Variants in CDYL2 observed in about 807,000 individuals in gnomAD.
CDYL2 encodes the protein chromodomain Y like 2, also known as chromodomain Y-like protein 2.
CDYL2 carries 23 observed loss-of-function variants against 49.4 expected under a neutral mutation model. That is an observed-to-expected ratio of 0.47 (90% CI 0.34 to 0.66). The LOEUF (loss-of-function observed/expected upper bound fraction) is 0.66, where lower values mean the gene tolerates loss of function less well. Among genes scored for constraint, CDYL2 ranks in the 30% least tolerant of loss-of-function variants. The pLI is 0.01. For synonymous variants in CDYL2, 360 were observed against 268.8 expected, an observed-to-expected ratio of 1.34 and a Z score of -3.32; for missense variants, 678 against 656.4, an observed-to-expected ratio of 1.03 and a Z score of -0.36.
intron 2 of CDYL2, among the ~76,000 whole-genome samples, chr16:80,665,043 G>C (rs1012520769): frequency 1.3e-5 from 2 of 152,132 alleles, no homozygotes; most frequent in African/African-American, 4.8e-5. Flanking sequence ...GGCATGCTGA[G>C]ACCTGCTTCT....
intron 1 of CDYL2, among the ~76,000 whole-genome samples, chr16:80,758,630 C>A (rs71400113): frequency 6.7e-6 from 1 of 149,486 alleles, no homozygotes; most frequent in African/African-American, 2.5e-5. Flanking sequence ...GCAAGCTCTG[C>A]CTCCCTGGTT....
rs548075989 is a variant in CDYL2 at position 80,708,242 on chromosome 16, C to A, written c.25-23113G>T. 1.1e-3 allele frequency among the ~76,000 whole-genome samples: 164 copies of A among 152,294 alleles called. 1 individual carries two copies. Among genetic ancestry groups the A allele is most frequent in the Middle Eastern group, 3.4e-3 (1 of 294 alleles). On this transcript the variant is annotated intron_variant, in intron 1 of 6. Coordinates refer to ENST00000570137, the MANE Select transcript of CDYL2 (RefSeq NM_152342.4). ...TCACCTTGAATTGTAATAATCCCCA[C>A]GTGTCAAGGTCAGGGCCAGGTGGAG...
At chr16:80,678,460 C>A (rs1450327646) in intron 2 of CDYL2, among the ~76,000 whole-genome samples, 1 of 152,102 alleles carries the variant, frequency 6.6e-6, no homozygotes, top group African/African-American at 2.4e-5. Context: ...AGGACATGAA[C>A]AGACACTTCT....
At chr16:80,786,025 G>A (rs1205015733) in intron 1 of CDYL2, among the ~76,000 whole-genome samples, 1 of 152,068 alleles carries the variant, frequency 6.6e-6, no homozygotes, top group Non-Finnish European at 1.5e-5. Context: ...AGAAAACCTG[G>A]GCAATACCAT....
intron 4 of CDYL2, among the ~76,000 whole-genome samples, chr16:80,617,212 T>C (rs17750740): frequency 0.15 from 22,562 of 152,232 alleles, 2,247 homozygotes; most frequent in Non-Finnish European, 0.2. Flanking sequence ...GTCACGTGTA[T>C]GCAAGTTTTC....
At chr16:80,791,190 A>T (rs1907597310) in intron 1 of CDYL2, among the ~76,000 whole-genome samples, 2 of 152,218 alleles carry the variant, frequency 1.3e-5, no homozygotes, top group Non-Finnish European at 2.9e-5. Context: ...TTATAGGAAA[A>T]CAATGTCCCA....
At chr16:80,770,755 A>C (rs1906878661) in intron 1 of CDYL2, among the ~76,000 whole-genome samples, 1 of 152,234 alleles carries the variant, frequency 6.6e-6, no homozygotes, top group Admixed American at 6.5e-5. Context: ...CTACAGAAAA[A>C]TATACAAAAT....
intron 2 of CDYL2, among the ~76,000 whole-genome samples, chr16:80,651,851 T>C (rs765541837): frequency 2.6e-5 from 4 of 152,194 alleles, no homozygotes; most frequent in South Asian, 2.1e-4. Flanking sequence ...CTGTTATACT[T>C]GTATACTGGA....
intron 1 of CDYL2, among the ~76,000 whole-genome samples, chr16:80,798,455 T>C (rs1000538714): frequency 2.0e-5 from 3 of 152,194 alleles, no homozygotes; most frequent in African/African-American, 4.8e-5. Context: ...GGGAATGCCA[T>C]GAAGATGGAA....
intron 1 of CDYL2, among the ~76,000 whole-genome samples, chr16:80,723,057 C>T (rs80036093): frequency 7.2e-5 from 11 of 152,344 alleles, no homozygotes; most frequent in Admixed American, 2.0e-4. Context: ...CTGCCACACT[C>T]GGCAGGGCGC....
intron 1 of CDYL2, among the ~76,000 whole-genome samples, chr16:80,730,583 T>A (rs913036301): frequency 1.3e-5 from 2 of 151,710 alleles, no homozygotes; most frequent in African/African-American, 2.4e-5. Context: ...AAAGAGGGAA[T>A]CCTCCCTAAC....
At chr16:80,751,881 C>G (rs1906149044) in intron 1 of CDYL2, among the ~76,000 whole-genome samples, 1 of 152,080 alleles carries the variant, frequency 6.6e-6, no homozygotes, top group Non-Finnish European at 1.5e-5. Flanking sequence ...TCTTCTTTGC[C>G]TACTGGAGGA....
intron 1 of CDYL2, among the ~76,000 whole-genome samples, chr16:80,698,454 G>GACAT (rs1248684840): frequency 6.6e-6 from 1 of 152,122 alleles, no homozygotes; most frequent in Non-Finnish European, 1.5e-5. Flanking sequence ...GATCTGAAAA[G>GACAT]ACATTTCTCA....
intron 1 of CDYL2, among the ~76,000 whole-genome samples, chr16:80,777,040 TC>T (rs1033107226): frequency 6.6e-6 from 1 of 152,220 alleles, no homozygotes; most frequent in East Asian, 1.9e-4. Context: ...CAGGCTGGTC[TC>T]GACCTCCTAA....
At chr16:80,639,814 G>A (rs146086438) in intron 2 of CDYL2, 262 of 439,698 alleles carry the variant, frequency 6.0e-4, no homozygotes, top group African/African-American at 4.9e-3. Flanking sequence ...TGGAAAGGGA[G>A]AGTGTAGCAA....
intron 1 of CDYL2, among the ~76,000 whole-genome samples, chr16:80,711,993 A>G (rs3100175): frequency 0.25 from 36,921 of 150,582 alleles, 8,391 homozygotes; most frequent in African/African-American, 0.6. Context: ...ATATGTATGT[A>G]TATATATGTG....
In CDYL2 at chr16:80,804,269, G is replaced by A. The variant is rs1474906277; in HGVS notation, c.-96C>T. The stretch of plus-strand genomic sequence containing the variant: ...GGGTCCGGTGTGCGCGTGTGTGTGC[G>A]CGCGTGTGTGTGCGAGTGTGTGTGG... On this transcript the variant is annotated 5_prime_UTR_variant, in exon 1 of 7. Coordinates refer to ENST00000570137, the MANE Select transcript of CDYL2 (RefSeq NM_152342.4). The A allele has an allele frequency of 8.7e-7, 1 of 1,151,076 alleles. No individual in the cohort carries two copies. Among genetic ancestry groups the A allele is most frequent in the Non-Finnish European group, 1.1e-6 (1 of 871,740 alleles). The allele number at this position is 1,151,076 out of a possible 1,614,324, so 71.3% of individuals were successfully genotyped here. A position where few individuals can be genotyped will look rare whatever the true frequency, so the allele number is the denominator to read the frequency against.
chr16:80,701,345 G>A (rs970346890), intron 1 of CDYL2, among the ~76,000 whole-genome samples: 1 of 152,130 alleles, frequency 6.6e-6, no homozygotes, highest in Non-Finnish European at 1.5e-5. Flanking sequence ...GGCAGGGAGT[G>A]GATGCAGGGG....
At chr16:80,716,759 GGATGACTGGATGACCA>G (rs1904815647) in intron 1 of CDYL2, among the ~76,000 whole-genome samples, 1 of 151,762 alleles carries the variant, frequency 6.6e-6, no homozygotes, top group South Asian at 2.1e-4. Context: ...GATGATAGAT[GGATGACTGGATGACCA>G]GATGACTGGA....
Sources: gnomAD v4.1 joint callset for allele counts (sites outside exome capture counted in the v4.1 genomes callset) on GRCh38, gnomAD v4.1.1 for gene constraint, MANE v1.5 for transcripts, NCBI Gene and HGNC (gene_info 2026-07-23, HGNC 2026-07-21) for gene names.